The following CHD3 variants were observed in gnomAD, a reference collection of about 807,000 sequenced individuals.
CHD3 encodes the protein ATP-dependent chromatin remodeler CHD3.
CHD3 carries 52 observed loss-of-function variants against 248.9 expected under a neutral mutation model. The ratio of observed to expected loss-of-function variants is 0.21; its 90% CI spans 0.17 to 0.26. The LOEUF (loss-of-function observed/expected upper bound fraction) is 0.26, where lower values mean the gene tolerates loss of function less well. Among genes scored for constraint, CHD3 ranks in the 10% least tolerant of loss-of-function variants. The pLI is 1.00. For synonymous variants in CHD3, 985 were observed against 985.2 expected (o/e 1.00, Z 0.00); for missense variants, 1,482 against 2,605.8 (o/e 0.57, Z 9.39).
rs1453284381 is a variant in CHD3 at position 7,910,266 on chromosome 17, C to CT, written c.5591-160dup. ...CTGAGTTGCTTCTGTTTTCCATCTA[C>CT]TTCTTTTACTTTCTTGATCTCTGGT... On this transcript the variant is annotated intron_variant, in intron 37 of 39. Transcript: ENST00000330494. The surrounding 1 kb of genome is among the most constrained non-coding windows in gnomAD (Gnocchi z 4.7). 3.8e-5 allele frequency: 33 copies of CT among 858,436 alleles called. No individual in the cohort carries two copies. Among genetic ancestry groups the CT allele is most frequent in the Non-Finnish European group, 5.8e-5 (31 of 536,142 alleles). 53.2% of individuals were successfully genotyped at this position (858,436 alleles called of 1,614,324 possible).
In CHD3 at chr17:7,907,224, A is replaced by G. The variant is rs146879057; in HGVS notation, c.4765A>G (p.Ile1589Val). ...GGAAAAGCCAGAGAAGAACAGCAGA[A>G]TTGGGGAGAAGATGGAGACAGAGGT... ...QEEKPEKNSR[I>V]GEKMETEADA... Residue 1589 changes from isoleucine (I) to valine (V), a missense_variant, in exon 31 of 40, where the codon ATT becomes GTT. Around this residue, in one of 20 missense-constraint regions of CHD3, gnomAD observed 254 missense variants for 266.7 expected, o/e 0.95. Coordinates refer to ENST00000330494, the MANE Select transcript of CHD3 (RefSeq NM_001005273.3). The surrounding 1 kb of genome is among the most constrained non-coding windows in gnomAD (Gnocchi z 4.3). 3.7e-6 allele frequency: 6 copies of G among 1,614,102 alleles called. No individual in the cohort carries two copies. The African/African-American group carries it at 6.7e-5, about 18-fold the overall frequency.
Position 7,897,450 on chromosome 17 carries a change from G to C in CHD3, c.1919+156G>C, listed in dbSNP as rs982759287. ...AGCCTTTCTGGCCTTGTTTCCTCCAGGGGAACGGGAGAAAACAGGAGGAAA... is the reference window on the plus strand; with the variant it reads ...AGCCTTTCTGGCCTTGTTTCCTCCACGGGAACGGGAGAAAACAGGAGGAAA... On this transcript the variant is annotated intron_variant, in intron 11 of 39. Transcript: ENST00000330494. The surrounding 1 kb of genome is among the most constrained non-coding windows in gnomAD (Gnocchi z 4.8). Among the ~76,000 whole-genome samples, 1 of 152,172 alleles carries C rather than the reference G, an allele frequency of 6.6e-6. No homozygotes were observed. The highest frequency in any genetic ancestry group is 1.5e-5 in the Non-Finnish European group (1 of 68,046).
rs1396874797 is a variant in CHD3, at chr17:7,909,321, A to G, written c.5573A>G (p.Asn1858Ser). The change falls in exon 37 of 40, where the codon AAC becomes AGC. Residue 1858 changes from asparagine (N) to serine (S), a missense_variant. By Grantham distance (46) the Asn-to-Ser change is conservative (BLOSUM62 1). This residue lies in a region of CHD3 where 83 missense variants were observed against 181.0 expected (regional missense o/e 0.46). Coordinates refer to ENST00000330494, the MANE Select transcript of CHD3 (RefSeq NM_001005273.3). The surrounding 1 kb of genome is among the most constrained non-coding windows in gnomAD (Gnocchi z 8.1). Reference sequence around the variant, plus strand: ...TCGCTGGCGGGGAACAAGCCGGCCAACGCCGTCCTGCACAAGGGTAAGGGC... The same window carrying G: ...TCGCTGGCGGGGAACAAGCCGGCCAGCGCCGTCCTGCACAAGGGTAAGGGC... ...KESLAGNKPA[N>S]AVLHKVLNQL... The G allele has an allele frequency of 1.3e-6, 2 of 1,557,700 alleles. No homozygotes were observed. The highest frequency in any genetic ancestry group is 8.7e-7 in the Non-Finnish European group (1 of 1,152,436).
chr17:7,886,539 G>A (rs755545431), upstream of CHD3, among the ~76,000 whole-genome samples: 12 of 152,208 alleles, frequency 7.9e-5, no homozygotes, highest in Non-Finnish European at 1.5e-4. The surrounding 1 kb of genome is among the most constrained non-coding windows in gnomAD (Gnocchi z 4.2). Context: ...GGAGCGGGGG[G>A]TGCTTTCTTG....
At chr17:7,891,634 G>T (rs915482946) in intron 4 of CHD3, among the ~76,000 whole-genome samples, 4 of 152,196 alleles carry the variant, frequency 2.6e-5, no homozygotes, top group Non-Finnish European at 5.9e-5. Context: ...GCCAAGGCAG[G>T]TGGATCGCCT....
In CHD3 at chr17:7,910,370, C is replaced by T. The variant is rs1229248690; in HGVS notation, c.5591-58C>T. ...TCTGATGCCTCTCTTTTCCTGGCTCCATCTCTGTATTTCCCTGTCTTTCTC... is the reference window on the plus strand; with the variant it reads ...TCTGATGCCTCTCTTTTCCTGGCTCTATCTCTGTATTTCCCTGTCTTTCTC... On this transcript the variant is annotated intron_variant, in intron 37 of 39. Transcript: ENST00000330494. The surrounding 1 kb of genome is among the most constrained non-coding windows in gnomAD (Gnocchi z 4.7). 3 of 1,608,256 alleles carry T rather than the reference C, an allele frequency of 1.9e-6. No homozygotes were observed. The highest frequency in any genetic ancestry group is 2.6e-6 in the Non-Finnish European group (3 of 1,174,912).
At position 7,906,173 on chromosome 17, in the gene CHD3, G is replaced by A. The variant is rs752259304; in HGVS notation, c.4358+184G>A. ...CAGCCCACTCCACCTCCCCTCAGCC[G>A]AGCCTAGAGTAGAGGGGCCAGGCAT... On this transcript the variant is annotated intron_variant, in intron 28 of 39. Coordinates refer to ENST00000330494, the MANE Select transcript of CHD3 (RefSeq NM_001005273.3). The surrounding 1 kb of genome is among the most constrained non-coding windows in gnomAD (Gnocchi z 5.0). 10 of 965,222 alleles carry A rather than the reference G, an allele frequency of 1.0e-5. No individual in the cohort carries two copies. Among genetic ancestry groups the A allele is most frequent in the Admixed American group, 3.4e-5 (2 of 58,948 alleles). The allele number at this position is 965,222 out of a possible 1,614,324, so 59.8% of individuals were successfully genotyped here. A position where few individuals can be genotyped will look rare whatever the true frequency, so the allele number is the denominator to read the frequency against.
Position 7,893,496 on chromosome 17 carries a change from C to A in CHD3, c.720C>A (p.Pro240=). The A allele has an allele frequency of 6.4e-7, 1 of 1,570,772 alleles. No homozygotes were observed. Among genetic ancestry groups the A allele is most frequent in the Non-Finnish European group, 8.7e-7 (1 of 1,144,230 alleles). ...CCCCCATAGCACCCTCCGGACCCCC[C>A]GCCCTTCCACCACCCCCTGCTGCTG... ...SATPIAPSGP[P]ALPPPPAADI... is the part of the protein sequence containing the mutation. The change falls in exon 5 of 40, where the codon CCC becomes CCA. Residue 240 remains proline (P), a synonymous_variant. Coordinates refer to ENST00000330494, the MANE Select transcript of CHD3 (RefSeq NM_001005273.3).
chr17:7,909,299 C>T lies in CHD3; in HGVS notation c.5551C>T (p.Leu1851=). ...CCACCAGCACCTCTCCAAGGAGTCG[C>T]TGGCGGGGAACAAGCCGGCCAACGC... The part of the protein sequence containing the change: ...ESHQHLSKES[L]AGNKPANAVL... Residue 1851 remains leucine, a synonymous_variant, in exon 37 of 40, where the codon CTG becomes TTG. Coordinates refer to ENST00000330494, the MANE Select transcript of CHD3 (RefSeq NM_001005273.3). The surrounding 1 kb of genome is among the most constrained non-coding windows in gnomAD (Gnocchi z 8.1). 6.4e-7 allele frequency: 1 copy of T among 1,561,936 alleles called. No homozygotes were observed. The highest frequency in any genetic ancestry group is 1.4e-5 in the African/African-American group (1 of 73,448).
chr17:7,890,637 G>C lies in CHD3; in HGVS notation c.280G>C (p.Glu94Gln). The C allele has an allele frequency of 6.2e-7, 1 of 1,610,262 alleles. No individual in the cohort carries two copies. Among genetic ancestry groups the C allele is most frequent in the East Asian group, 2.2e-5 (1 of 44,816 alleles). The change falls in exon 3 of 40, where the codon GAA becomes CAA. Residue 94 changes from glutamate to glutamine, a missense_variant. Transcript: ENST00000330494. ...GGAGAAGTCAGAGAGTGGGGGCAGT[G>C]AATATGGAACCGGACCGGGTCGGAA... ...YREKSESGGSEYGTGPGRKRR... is the reference protein window; with the variant it reads ...YREKSESGGSQYGTGPGRKRR...
At position 7,895,503 on chromosome 17, in the gene CHD3, A is replaced by G; in HGVS notation, c.1668A>G (p.Gly556=). 8.1e-6 allele frequency: 13 copies of G among 1,613,984 alleles called. No individual in the cohort carries two copies. Among genetic ancestry groups the G allele is most frequent in the Non-Finnish European group, 1.1e-5 (13 of 1,179,994 alleles). ...GAGAGTTCTTTGTCAAGTGGGTAGG[A>G]CTATCCTACTGGCACTGCTCCTGGG... ...SEREFFVKWV[G]LSYWHCSWAK... The change falls in exon 10 of 40, where the codon GGA becomes GGG. Residue 556 remains glycine, a synonymous_variant. Transcript: ENST00000330494. The surrounding 1 kb of genome is among the most constrained non-coding windows in gnomAD (Gnocchi z 4.9).
rs1971000472 is a variant in CHD3 at position 7,906,718 on chromosome 17, CA to C, written c.4503+24del. The C allele has an allele frequency of 6.9e-6, 11 of 1,590,392 alleles. No individual in the cohort carries two copies. The highest frequency in any genetic ancestry group is 8.6e-6 in the Non-Finnish European group (10 of 1,167,050). On this transcript the variant is annotated intron_variant, in intron 29 of 39. Transcript: ENST00000330494. This position sits in a 1 kb window ranked among gnomAD's most constrained non-coding sequence, Gnocchi z 5.0. ...AGAAGGTATCAGTCTTCCTGTCACCCAAAGAATCAAGCTGGCTGCCTAGTCT... is the reference window on the plus strand; with the variant it reads ...AGAAGGTATCAGTCTTCCTGTCACCCAAGAATCAAGCTGGCTGCCTAGTCT...
chr17:7,887,521 A>G (rs1227349197), upstream of CHD3, among the ~76,000 whole-genome samples: 1 of 152,154 alleles, frequency 6.6e-6, no homozygotes, highest in Non-Finnish European at 1.5e-5. Context: ...GTTTCTTTGC[A>G]AAAGGTCTGA....
Position 7,889,714 on chromosome 17 carries a change from A to G in CHD3, c.151A>G (p.Lys51Glu). 6.2e-7 allele frequency: 1 copy of G among 1,613,734 alleles called. No individual in the cohort carries two copies. The highest frequency in any genetic ancestry group is 8.5e-7 in the Non-Finnish European group (1 of 1,179,748). Residue 51 changes from lysine to glutamate, a missense_variant, in exon 2 of 40, where the codon AAA (lysine) becomes GAA (glutamate). Physicochemically the swap from Lys to Glu is moderately conservative, Grantham distance 56. This residue lies in a region of CHD3 where 169 missense variants were observed against 168.1 expected (regional missense o/e 1.01). Coordinates refer to ENST00000330494, the MANE Select transcript of CHD3 (RefSeq NM_001005273.3). This position sits in a 1 kb window ranked among gnomAD's most constrained non-coding sequence, Gnocchi z 4.5. ...GTCAGCATTGGGTGTGAAGAAGAGA[A>G]AACGAGGACCCAAGAAGCAGAAGGA... ...LPSALGVKKR[K>E]RGPKKQKENK...
intron 8 of CHD3, 131 bp downstream of exon 8, chr17:7,894,739 T>A (rs1033672758): frequency 9.8e-6 from 13 of 1,332,484 alleles, no homozygotes; most frequent in Non-Finnish European, 1.2e-5. Flanking sequence ...GTGTCTAGGA[T>A]CCTAATGTAT....
At chr17:7,884,847 A>T, upstream of CHD3, 1 of 1,049,106 alleles carries the variant, frequency 9.5e-7, no homozygotes, top group South Asian at 1.7e-5. Context: ...GAGGAGGAGG[A>T]GATGGTGGTG....
Position 7,903,959 on chromosome 17 carries a change from G to A in CHD3, c.3862G>A (p.Val1288Met), listed in dbSNP as rs1451685142. Reference protein sequence around the residue: ...NMNEYLSSFKVAQYVVREEDK... With the variant: ...NMNEYLSSFKMAQYVVREEDK... ...GAATGAGTATCTCAGCTCCTTCAAG[G>A]TGGCACAGTACGTCGTGCGGGAAGA... Residue 1288 changes from valine (V) to methionine (M), a missense_variant, in exon 24 of 40, where the codon GTG becomes ATG. Val to Met is a conservative substitution (Grantham distance 21). Around this residue, in one of 20 missense-constraint regions of CHD3, gnomAD observed 156 missense variants for 420.3 expected, o/e 0.37. Coordinates refer to ENST00000330494, the MANE Select transcript of CHD3 (RefSeq NM_001005273.3). This position sits in a 1 kb window ranked among gnomAD's most constrained non-coding sequence, Gnocchi z 6.8. 6.2e-7 allele frequency: 1 copy of A among 1,614,054 alleles called. No individual in the cohort carries two copies. The highest frequency in any genetic ancestry group is 8.5e-7 in the Non-Finnish European group (1 of 1,180,050).
chr17:7,907,261 T>C lies in CHD3; in HGVS notation c.4788+14T>C. On this transcript the variant is annotated intron_variant, in intron 31 of 39. Transcript: ENST00000330494. The surrounding 1 kb of genome is among the most constrained non-coding windows in gnomAD (Gnocchi z 4.3). Reference sequence around the variant, plus strand: ...ATGGAGACAGAGGTGTGTGGCTCCCTGGATTCCCCTGTGGAGCGGGAGGGG... The same window carrying C: ...ATGGAGACAGAGGTGTGTGGCTCCCCGGATTCCCCTGTGGAGCGGGAGGGG... 1 of 1,614,182 alleles carries C rather than the reference T, an allele frequency of 6.2e-7. No individual in the cohort carries two copies. Among genetic ancestry groups the C allele is most frequent in the Non-Finnish European group, 8.5e-7 (1 of 1,180,016 alleles).
upstream of CHD3, chr17:7,888,688 T>C: frequency 1.9e-6 from 1 of 515,330 alleles, no homozygotes; most frequent in Non-Finnish European, 2.8e-6. Flanking sequence ...GTACAGGCCA[T>C]CCTCTGGATT....
Sources: allele counts gnomAD v4.1 joint callset (sites outside exome capture counted in the v4.1 genomes callset), GRCh38; gene constraint gnomAD v4.1.1; regional missense constraint gnomAD v4.1.1; non-coding constraint Gnocchi (gnomAD v3.1); transcripts MANE v1.5; gene names NCBI Gene and HGNC (gene_info 2026-07-23, HGNC 2026-07-21).